SRBD1: variants seen among roughly 807,000 people sequenced by gnomAD.
SRBD1 encodes the protein S1 RNA-binding domain-containing protein 1.
SRBD1 carries 88 observed loss-of-function variants against 115.3 expected under a neutral mutation model. The observed-to-expected ratio is 0.76, with a 90% CI of 0.64 to 0.91. The LOEUF (loss-of-function observed/expected upper bound fraction) is 0.91, where lower values mean the gene tolerates loss of function less well. Among genes scored for constraint, SRBD1 ranks in the 40% least tolerant of loss-of-function variants. The pLI, the probability that SRBD1 is intolerant of heterozygous loss-of-function variation, is 0.00. For synonymous variants in SRBD1, 509 were observed against 407.7 expected, an observed-to-expected ratio of 1.25 and a Z score of -2.99; for missense variants, 1,385 against 1,177.4, an observed-to-expected ratio of 1.18 and a Z score of -2.58.
intron 19 of SRBD1, among the ~76,000 whole-genome samples, chr2:45,409,551 A>AT: frequency 6.6e-6 from 1 of 151,678 alleles, no homozygotes; most frequent in South Asian, 2.1e-4. Context: ...AAGAAAAAAA[A>AT]GAAGCATGAA....
chr2:45,494,695 T>C (rs1670402241), intron 14 of SRBD1, among the ~76,000 whole-genome samples: 1 of 152,200 alleles, frequency 6.6e-6, no homozygotes, highest in Admixed American at 6.5e-5. Context: ...CACTAAGGCA[T>C]AACCAGCTCA....
rs188851083 is a variant in SRBD1, at chr2:45,434,971, C to T, written c.2050-15077G>A. Reference sequence around the variant, plus strand: ...GTGTGTGATGTTCCCCGCCCTGTGTCCACGTGTTCTCATCGTTCAATTCCC... The same window carrying T: ...GTGTGTGATGTTCCCCGCCCTGTGTTCACGTGTTCTCATCGTTCAATTCCC... On this transcript the variant is annotated intron_variant, in intron 16 of 20. Coordinates refer to ENST00000263736, the MANE Select transcript of SRBD1 (RefSeq NM_018079.5). Among the ~76,000 whole-genome samples, 7 of 151,518 alleles carry T rather than the reference C, an allele frequency of 4.6e-5. 1 individual carries two copies. The East Asian group carries it at 1.4e-3, about 30-fold the overall frequency.
At chr2:45,548,509 A>G (rs566927460) in intron 12 of SRBD1, among the ~76,000 whole-genome samples, 20 of 152,282 alleles carry the variant, frequency 1.3e-4, no homozygotes, top group Admixed American at 1.3e-3. Flanking sequence ...TTAAGAATAT[A>G]GATGTGTTTG....
chr2:45,422,782 C>A (rs906198069), intron 16 of SRBD1, among the ~76,000 whole-genome samples: 1 of 152,216 alleles, frequency 6.6e-6, no homozygotes, highest in Non-Finnish European at 1.5e-5. Flanking sequence ...TAGTTAAAAA[C>A]TTTCAGTGTA....
chr2:45,565,606 C>G (rs1254478239), intron 9 of SRBD1, among the ~76,000 whole-genome samples: 1 of 152,020 alleles, frequency 6.6e-6, no homozygotes, highest in Non-Finnish European at 1.5e-5. Context: ...TAATCAATAA[C>G]AAAAAACTAG....
chr2:45,413,209 G>C lies in SRBD1; in HGVS notation c.2418C>G (p.Gly806=), dbSNP rs770634898. The part of the protein sequence containing the change: ...ADVEVTNEKQ[G]KKKSKTAVNV... Reference sequence around the variant, plus strand: ...TCACTGCAGTTTTGCTCTTCTTTTTGCCCTGCTTCTCATTTGTGACCTCAA... The same window carrying C: ...TCACTGCAGTTTTGCTCTTCTTTTTCCCCTGCTTCTCATTTGTGACCTCAA... The change falls in exon 19 of 21, where the codon GGC becomes GGG. Residue 806 remains glycine, a synonymous_variant. Coordinates refer to ENST00000263736, the MANE Select transcript of SRBD1 (RefSeq NM_018079.5). 34 of 1,613,878 alleles carry C rather than the reference G, an allele frequency of 2.1e-5. No homozygotes were observed. The highest frequency in any genetic ancestry group is 2.8e-5 in the Non-Finnish European group (33 of 1,179,958).
intron 19 of SRBD1, among the ~76,000 whole-genome samples, chr2:45,403,919 G>T (rs778507576): frequency 8.5e-5 from 13 of 152,062 alleles, no homozygotes; most frequent in Non-Finnish European, 1.6e-4. Flanking sequence ...GAATTTTGTT[G>T]ATGATTTTAT....
intron 4 of SRBD1, among the ~76,000 whole-genome samples, chr2:45,597,695 C>T (rs1673946557): frequency 6.6e-6 from 1 of 152,182 alleles, no homozygotes; most frequent in African/African-American, 2.4e-5. Flanking sequence ...GACTTGACCA[C>T]ATTCTGTCCC....
intron 7 of SRBD1, among the ~76,000 whole-genome samples, chr2:45,578,784 G>C (rs898756978): frequency 6.6e-6 from 1 of 152,118 alleles, no homozygotes; most frequent in Non-Finnish European, 1.5e-5. Flanking sequence ...CATACAACAC[G>C]GGGGCTACAG....
intron 18 of SRBD1, among the ~76,000 whole-genome samples, chr2:45,416,848 G>A (rs1421423458): frequency 2.0e-5 from 3 of 151,868 alleles, no homozygotes; most frequent in Admixed American, 2.0e-4. Context: ...GCATGATCTC[G>A]GCTCACTGCA....
intron 14 of SRBD1, chr2:45,546,168 C>A: frequency 1.0e-6 from 1 of 985,378 alleles, no homozygotes; most frequent in African/African-American, 1.7e-5. Context: ...AGAACTACTA[C>A]AAATGCAGGG....
intron 16 of SRBD1, among the ~76,000 whole-genome samples, chr2:45,450,269 C>T (rs142097348): frequency 3.9e-5 from 6 of 152,140 alleles, no homozygotes; most frequent in Admixed American, 6.5e-5. Flanking sequence ...GAGAAGATAG[C>T]GAATTCAAAG....
intron 14 of SRBD1, among the ~76,000 whole-genome samples, chr2:45,545,552 T>C (rs552527589): frequency 6.6e-6 from 1 of 152,164 alleles, no homozygotes; most frequent in African/African-American, 2.4e-5. Flanking sequence ...AGAAGGTACC[T>C]GAAATAAACT....
chr2:45,608,074 T>C (rs926649316), intron 1 of SRBD1, among the ~76,000 whole-genome samples: 3 of 152,194 alleles, frequency 2.0e-5, no homozygotes, highest in Admixed American at 6.5e-5. Context: ...CAGACTACCA[T>C]ATACTAATTC....
intron 14 of SRBD1, among the ~76,000 whole-genome samples, chr2:45,526,245 C>A (rs1411926647): frequency 6.6e-6 from 1 of 151,948 alleles, no homozygotes. Flanking sequence ...TGTTGTATAT[C>A]CATATAATGG....
At chr2:45,457,261 C>G (rs1669183483) in intron 16 of SRBD1, among the ~76,000 whole-genome samples, 1 of 151,844 alleles carries the variant, frequency 6.6e-6, no homozygotes, top group Non-Finnish European at 1.5e-5. Flanking sequence ...ATTTGGGAAG[C>G]TAAAATTAAA....
At chr2:45,454,875 G>C (rs564828654) in intron 16 of SRBD1, among the ~76,000 whole-genome samples, 38 of 151,916 alleles carry the variant, frequency 2.5e-4, no homozygotes, top group Non-Finnish European at 4.9e-4. Context: ...TGAATCAACA[G>C]AATAATCACA....
intron 17 of SRBD1, 61 bp downstream of exon 17, chr2:45,419,727 T>C: frequency 6.7e-7 from 1 of 1,482,290 alleles, no homozygotes; most frequent in Non-Finnish European, 9.4e-7. Context: ...CTAGCCGAGT[T>C]TGGACTGGAC....
intron 16 of SRBD1, among the ~76,000 whole-genome samples, chr2:45,434,958 C>T (rs1446143520): frequency 6.7e-6 from 1 of 149,438 alleles, no homozygotes; most frequent in East Asian, 2.0e-4. Flanking sequence ...GTGTGATGTT[C>T]CCCGCCCTGT....
Sources: gnomAD v4.1 joint callset for allele counts (sites outside exome capture counted in the v4.1 genomes callset) on GRCh38, gnomAD v4.1.1 for gene constraint, MANE v1.5 for transcripts, NCBI Gene and HGNC (gene_info 2026-07-23, HGNC 2026-07-21) for gene names.